Variants in KCNIP1 observed in about 807,000 individuals in gnomAD.
KCNIP1 encodes A-type potassium channel modulatory protein KCNIP1.
Under a neutral mutation model 33.0 loss-of-function variants are expected in KCNIP1, and 18 were observed. The observed-to-expected ratio is 0.55, with a 90% CI of 0.38 to 0.81. The LOEUF is 0.81. Ranked by LOEUF, KCNIP1 falls within the 30% of genes least tolerant of loss-of-function variation. KCNIP1 has a pLI of 0.00. For missense variants in KCNIP1, 238 were observed against 271.6 expected, an observed-to-expected ratio of 0.88 and a Z score of 0.87; for synonymous variants, 93 against 98.3, an observed-to-expected ratio of 0.95 and a Z score of 0.32.
intron 1 of KCNIP1, among the ~76,000 whole-genome samples, chr5:170,617,312 G>C (rs974498736): frequency 1.3e-5 from 2 of 151,940 alleles, no homozygotes; most frequent in Non-Finnish European, 2.9e-5. Context: ...CAGAAACAAA[G>C]ACAAAAAGGC....
intron 1 of KCNIP1, among the ~76,000 whole-genome samples, chr5:170,473,148 T>C (rs1334670108): frequency 2.6e-5 from 4 of 152,200 alleles, no homozygotes; most frequent in African/African-American, 4.8e-5. Flanking sequence ...TGGTGTCGCA[T>C]TGTGGTTTTG....
intron 1 of KCNIP1, among the ~76,000 whole-genome samples, chr5:170,506,902 G>A (rs1486709661): frequency 6.6e-6 from 1 of 152,216 alleles, no homozygotes; most frequent in Non-Finnish European, 1.5e-5. Context: ...CTTGCATAGT[G>A]GAATGCTAAT....
At chr5:170,564,596 T>C (rs983525496) in intron 1 of KCNIP1, among the ~76,000 whole-genome samples, 4 of 152,198 alleles carry the variant, frequency 2.6e-5, no homozygotes, top group African/African-American at 9.7e-5. Flanking sequence ...CCGTGATCTA[T>C]ATTTTAAGAA....
intron 1 of KCNIP1, among the ~76,000 whole-genome samples, chr5:170,623,942 C>T (rs112505581): frequency 0.01 from 1,533 of 152,308 alleles, 27 homozygotes; most frequent in African/African-American, 0.035. Flanking sequence ...CTTCACTCCA[C>T]GCCCAGCCAG....
intron 1 of KCNIP1, among the ~76,000 whole-genome samples, chr5:170,409,621 T>C (rs899630092): frequency 1.2e-4 from 19 of 152,232 alleles, no homozygotes; most frequent in African/African-American, 4.3e-4. Flanking sequence ...TATGGCCCGT[T>C]CCAGAGCTCC....
intron 1 of KCNIP1, among the ~76,000 whole-genome samples, chr5:170,702,224 G>C (rs36103116): frequency 0.16 from 24,456 of 152,142 alleles, 2,376 homozygotes; most frequent in African/African-American, 0.27. Flanking sequence ...CACTCAGTAA[G>C]TATTTGTCGA....
intron 1 of KCNIP1, among the ~76,000 whole-genome samples, chr5:170,505,719 G>A (rs987253198): frequency 1.1e-4 from 17 of 152,142 alleles, no homozygotes; most frequent in African/African-American, 4.1e-4. Flanking sequence ...CCATAAGTAA[G>A]CTGTCCTTGA....
At chr5:170,394,406 G>GC (rs1754701516) in intron 1 of KCNIP1, among the ~76,000 whole-genome samples, 2 of 152,222 alleles carry the variant, frequency 1.3e-5, no homozygotes, top group East Asian at 1.9e-4. Flanking sequence ...ATTCACTGCC[G>GC]CATCTCTAGC....
At chr5:170,645,374 G>A (rs9968589) in intron 1 of KCNIP1, among the ~76,000 whole-genome samples, 43,025 of 151,950 alleles carry the variant, frequency 0.28, 7,227 homozygotes, top group African/African-American at 0.47. Flanking sequence ...TTAGGGATAA[G>A]GATGGATATT....
chr5:170,362,839 C>T (rs1763549851), intron 1 of KCNIP1, among the ~76,000 whole-genome samples: 1 of 152,194 alleles, frequency 6.6e-6, no homozygotes, highest in Non-Finnish European at 1.5e-5. Flanking sequence ...GCTTGGCAGG[C>T]TGGGCCGAGC....
At chr5:170,386,999 T>C (rs189468539) in intron 1 of KCNIP1, among the ~76,000 whole-genome samples, 1 of 152,166 alleles carries the variant, frequency 6.6e-6, no homozygotes, top group Non-Finnish European at 1.5e-5. Context: ...CCTCAATCTA[T>C]GCCGCCTGGA....
In KCNIP1 at chr5:170,506,417, A is replaced by T. The variant is rs539137182; in HGVS notation, c.61+1784A>T. Among the ~76,000 whole-genome samples the T allele has an allele frequency of 2.0e-5, 3 of 152,302 alleles. No individual in the cohort carries two copies. The East Asian group carries it at 5.8e-4, about 29-fold the overall frequency. On this transcript the variant is annotated intron_variant, in intron 1 of 7. Coordinates refer to ENST00000328939, the MANE Select transcript of KCNIP1 (RefSeq NM_014592.4). ...CTGCAGCCACCAGGGACCCAGAGGA[A>T]GTTGTTGTAAGGATGTGAGAATCAA...
intron 1 of KCNIP1, among the ~76,000 whole-genome samples, chr5:170,563,784 G>A (rs1447922812): frequency 6.6e-6 from 1 of 151,966 alleles, no homozygotes; most frequent in East Asian, 1.9e-4. Flanking sequence ...TGGATTACAG[G>A]CATGTGCCCC....
At chr5:170,652,482 TA>T (rs140299038) in intron 1 of KCNIP1, among the ~76,000 whole-genome samples, 1,293 of 109,748 alleles carry the variant, frequency 0.012, 11 homozygotes, top group East Asian at 0.028. Context: ...GAGACCCTAT[TA>T]AAAAAAAAAA....
At chr5:170,505,968 G>A (rs1159313294) in intron 1 of KCNIP1, among the ~76,000 whole-genome samples, 1 of 152,228 alleles carries the variant, frequency 6.6e-6, no homozygotes, top group Non-Finnish European at 1.5e-5. Flanking sequence ...GGTCTGCAAA[G>A]CTCAGCCCAA....
At chr5:170,415,413 A>G (rs1755301123) in intron 1 of KCNIP1, among the ~76,000 whole-genome samples, 1 of 151,996 alleles carries the variant, frequency 6.6e-6, no homozygotes, top group Non-Finnish European at 1.5e-5. Context: ...ACATTTAGCA[A>G]TATCCCTGGC....
chr5:170,452,447 G>T (rs1756277189), intron 1 of KCNIP1, among the ~76,000 whole-genome samples: 1 of 152,122 alleles, frequency 6.6e-6, no homozygotes, highest in Non-Finnish European at 1.5e-5. Context: ...TTTCTGCCTG[G>T]AATGAGGGCT....
At chr5:170,461,846 A>C (rs1756508187) in intron 1 of KCNIP1, among the ~76,000 whole-genome samples, 1 of 152,182 alleles carries the variant, frequency 6.6e-6, no homozygotes, top group Admixed American at 6.5e-5. Context: ...CAAAGCAAAC[A>C]AAAACATATA....
chr5:170,505,940 C>T (rs1754699248), intron 1 of KCNIP1, among the ~76,000 whole-genome samples: 1 of 152,216 alleles, frequency 6.6e-6, no homozygotes, highest in South Asian at 2.1e-4. Context: ...TGTCCTGTTA[C>T]CAGTCCTGAC....
Sources: gnomAD v4.1 joint callset for allele counts (sites outside exome capture counted in the v4.1 genomes callset) on GRCh38, gnomAD v4.1.1 for gene constraint, MANE v1.5 for transcripts, NCBI Gene and HGNC (gene_info 2026-07-23, HGNC 2026-07-21) for gene names.